CCSER1: variants seen among roughly 807,000 people sequenced by gnomAD.
The protein encoded by CCSER1 is coiled-coil serine rich protein 1, also known as serine-rich coiled-coil domain-containing protein 1.
In CCSER1, 41 loss-of-function variants were observed where a neutral mutation model predicts 82.0. That is an observed-to-expected ratio of 0.50 (90% confidence interval 0.39 to 0.65). The LOEUF (loss-of-function observed/expected upper bound fraction) is 0.65, where lower values mean the gene tolerates loss of function less well. Among genes scored for constraint, CCSER1 ranks in the 30% least tolerant of loss-of-function variants. The pLI, the probability that CCSER1 is intolerant of heterozygous loss-of-function variation, is 0.00. For synonymous variants in CCSER1, 414 were observed against 383.9 expected, an observed-to-expected ratio of 1.08 and a Z score of -0.92; for missense variants, 1,119 against 1,064.2, an observed-to-expected ratio of 1.05 and a Z score of -0.72.
intron 7 of CCSER1, among the ~76,000 whole-genome samples, chr4:90,757,639 A>G (rs1749743178): frequency 6.6e-6 from 1 of 152,214 alleles, no homozygotes; most frequent in Non-Finnish European, 1.5e-5. Flanking sequence ...GAAGCAGACA[A>G]GTGCCAGAAA....
At chr4:90,905,269 A>G (rs1725288134) in intron 8 of CCSER1, among the ~76,000 whole-genome samples, 1 of 151,866 alleles carries the variant, frequency 6.6e-6, no homozygotes, top group African/African-American at 2.4e-5. Context: ...CACTTCTATG[A>G]TTTCCCACTG....
At chr4:91,059,019 C>T (rs1457534433) in intron 9 of CCSER1, among the ~76,000 whole-genome samples, 1 of 151,806 alleles carries the variant, frequency 6.6e-6, no homozygotes, top group Non-Finnish European at 1.5e-5. Flanking sequence ...ATTTCCCACG[C>T]AAAAATAAGA....
intron 8 of CCSER1, among the ~76,000 whole-genome samples, chr4:90,895,591 A>G (rs1723588371): frequency 6.6e-6 from 1 of 151,978 alleles, no homozygotes; most frequent in Non-Finnish European, 1.5e-5. Context: ...ACAATGAAGT[A>G]AAATGTATAA....
At chr4:90,906,077 C>G (rs933514752) in intron 8 of CCSER1, among the ~76,000 whole-genome samples, 11 of 152,068 alleles carry the variant, frequency 7.2e-5, no homozygotes, top group Admixed American at 7.2e-4. Flanking sequence ...CTTTAAATGT[C>G]TTTGCTACCA....
At chr4:90,357,234 G>A (rs1219481462) in intron 3 of CCSER1, among the ~76,000 whole-genome samples, 1 of 151,812 alleles carries the variant, frequency 6.6e-6, no homozygotes, top group East Asian at 1.9e-4. Context: ...GTTTATCATA[G>A]TTCCCCATAG....
intron 10 of CCSER1, among the ~76,000 whole-genome samples, chr4:91,265,446 T>C (rs961068904): frequency 6.6e-6 from 1 of 151,588 alleles, no homozygotes; most frequent in Non-Finnish European, 1.5e-5. Flanking sequence ...TGTCAAACTT[T>C]AGGCCTATAT....
intron 10 of CCSER1, among the ~76,000 whole-genome samples, chr4:91,383,783 T>C (rs1751093062): frequency 6.6e-6 from 1 of 152,118 alleles, no homozygotes; most frequent in African/African-American, 2.4e-5. Context: ...AAAAGGAATA[T>C]AGCCTGAATA....
At chr4:91,273,731 G>T (rs908323600) in intron 10 of CCSER1, among the ~76,000 whole-genome samples, 4 of 152,120 alleles carry the variant, frequency 2.6e-5, no homozygotes, top group African/African-American at 9.7e-5. Context: ...TATTATGTTG[G>T]CTGTGGGTTT....
At chr4:90,649,004 G>A (rs111545289) in intron 6 of CCSER1, among the ~76,000 whole-genome samples, 10 of 152,282 alleles carry the variant, frequency 6.6e-5, no homozygotes, top group African/African-American at 2.2e-4. Flanking sequence ...TGTGCATGGC[G>A]ATAAGGCTTG....
At chr4:91,188,344 G>A (rs577992489) in intron 10 of CCSER1, among the ~76,000 whole-genome samples, 13 of 152,070 alleles carry the variant, frequency 8.5e-5, no homozygotes, top group East Asian at 7.7e-4. Context: ...TTGATGTTAC[G>A]GCGTTTTAAT....
intron 1 of CCSER1, among the ~76,000 whole-genome samples, chr4:90,283,141 T>C (rs1578945099): frequency 6.6e-6 from 1 of 152,104 alleles, no homozygotes; most frequent in Non-Finnish European, 1.5e-5. Context: ...TCTAGTTACA[T>C]TATATGTTAA....
intron 10 of CCSER1, among the ~76,000 whole-genome samples, chr4:91,331,014 A>G (rs889168591): frequency 6.6e-6 from 1 of 152,120 alleles, no homozygotes; most frequent in Non-Finnish European, 1.5e-5. Flanking sequence ...CTGTTATTAT[A>G]CAGGAAAAAC....
At chr4:90,919,685 A>C (rs1728092872) in intron 8 of CCSER1, among the ~76,000 whole-genome samples, 1 of 151,890 alleles carries the variant, frequency 6.6e-6, no homozygotes, top group South Asian at 2.1e-4. Context: ...ATTACTTTTA[A>C]TCTCAGATGA....
At chr4:90,198,550 A>C (rs1737036253) in intron 1 of CCSER1, among the ~76,000 whole-genome samples, 1 of 152,156 alleles carries the variant, frequency 6.6e-6, no homozygotes, top group Admixed American at 6.6e-5. Flanking sequence ...GTTGCAAATC[A>C]AGACTTGAAC....
At chr4:91,507,609 C>G (rs540805497) in intron 10 of CCSER1, among the ~76,000 whole-genome samples, 1 of 150,218 alleles carries the variant, frequency 6.7e-6, no homozygotes, top group South Asian at 2.1e-4. Flanking sequence ...ATTAGGTTGT[C>G]TTTTTTTTTG....
intron 6 of CCSER1, among the ~76,000 whole-genome samples, chr4:90,701,550 C>A (rs1738128717): frequency 6.6e-6 from 1 of 152,134 alleles, no homozygotes; most frequent in Admixed American, 6.6e-5. Context: ...ATGGGGATGG[C>A]ATTGAATCTA....
At chr4:91,026,275 G>A (rs1740482838) in intron 9 of CCSER1, among the ~76,000 whole-genome samples, 1 of 151,998 alleles carries the variant, frequency 6.6e-6, no homozygotes, top group African/African-American at 2.4e-5. Flanking sequence ...TTTCTCTGTA[G>A]TTGTCCTTTT....
intron 5 of CCSER1, among the ~76,000 whole-genome samples, chr4:90,504,915 C>A (rs1224744971): frequency 6.6e-6 from 1 of 152,062 alleles, no homozygotes; most frequent in Admixed American, 6.5e-5. Context: ...TATCAACTAA[C>A]AAGGGTCCCT....
intron 8 of CCSER1, among the ~76,000 whole-genome samples, chr4:90,866,319 G>A (rs943262768): frequency 6.6e-6 from 1 of 151,956 alleles, no homozygotes; most frequent in Admixed American, 6.6e-5. Flanking sequence ...GTGAGTAGCC[G>A]AAGTAATGAA....
Sources: allele counts gnomAD v4.1 joint callset (sites outside exome capture counted in the v4.1 genomes callset), GRCh38; gene constraint gnomAD v4.1.1; transcripts MANE v1.5; gene names NCBI Gene and HGNC (gene_info 2026-07-23, HGNC 2026-07-21).